Variants in RELN observed in about 807,000 individuals in gnomAD.
RELN encodes the protein reelin.
RELN carries 108 observed loss-of-function variants against 427.6 expected under a neutral mutation model. The observed-to-expected ratio is 0.25, with a 90% CI of 0.22 to 0.30. The LOEUF (loss-of-function observed/expected upper bound fraction) is 0.30, where lower values mean the gene tolerates loss of function less well. RELN is among the 10% of genes least tolerant of loss of function. The pLI, the probability that RELN is intolerant of heterozygous loss-of-function variation, is 1.00. For missense variants in RELN, 3,715 were observed against 4,302.8 expected (o/e 0.86, Z 3.82); for synonymous variants, 1,524 against 1,513.4 (o/e 1.01, Z -0.16).
intron 20 of RELN, among the ~76,000 whole-genome samples, chr7:103,612,310 C>T (rs1212064369): frequency 6.7e-6 from 1 of 149,720 alleles, no homozygotes; most frequent in Non-Finnish European, 1.5e-5. Context: ...ATTAAATAAG[C>T]CTTTTTTTTT....
intron 8 of RELN, among the ~76,000 whole-genome samples, chr7:103,712,101 G>A (rs1227080991): frequency 1.3e-5 from 2 of 152,120 alleles, no homozygotes; most frequent in East Asian, 3.8e-4. Flanking sequence ...ATGCCGGCCT[G>A]GAGAATCCTA....
chr7:103,724,889 T>A (rs1188499083), intron 7 of RELN, among the ~76,000 whole-genome samples: 1 of 151,816 alleles, frequency 6.6e-6, no homozygotes, highest in Non-Finnish European at 1.5e-5. Flanking sequence ...GTATTATAAA[T>A]AAATATAAAT....
chr7:103,986,453 T>C (rs1797098673), intron 1 of RELN, among the ~76,000 whole-genome samples: 1 of 152,076 alleles, frequency 6.6e-6, no homozygotes, highest in Admixed American at 6.6e-5. Flanking sequence ...ATACGACACA[T>C]ACAGGGACCT....
intron 3 of RELN, among the ~76,000 whole-genome samples, chr7:103,779,315 C>T (rs1340659636): frequency 6.6e-6 from 1 of 152,136 alleles, no homozygotes; most frequent in Non-Finnish European, 1.5e-5. Flanking sequence ...AAGCACAGCA[C>T]ACCATGTGCT....
In RELN at chr7:103,640,716, G is replaced by T; in HGVS notation, c.2003-107C>A. 2 of 1,121,918 alleles carry T rather than the reference G, an allele frequency of 1.8e-6. No individual in the cohort carries two copies. The highest frequency in any genetic ancestry group is 1.3e-5 in the South Asian group (1 of 76,160). 69.5% of individuals were successfully genotyped at this position (1,121,918 alleles called of 1,614,324 possible). The stretch of plus-strand genomic sequence containing the variant: ...ATGGCCCCTTGTGTGTATGTTGTGT[G>T]CAGGAACCCAGGGTGACATATGGAA... On this transcript the variant is annotated intron_variant, in intron 16 of 64. Coordinates refer to ENST00000428762, the MANE Select transcript of RELN (RefSeq NM_005045.4). This position sits in a 1 kb window ranked among gnomAD's most constrained non-coding sequence, Gnocchi z 4.1.
At position 103,892,496 on chromosome 7, in the gene RELN, A is replaced by G. The variant is rs376376126; in HGVS notation, c.337+24579T>C. Among the ~76,000 whole-genome samples the G allele has an allele frequency of 2.3e-4, 35 of 152,294 alleles. No homozygotes were observed. The South Asian group carries it at 7.3e-3, about 32-fold the overall frequency. ...TGATTTCATACAATTCTTCCCCATG[A>G]CACCACAGTCATGGGGAAATATATC... On this transcript the variant is annotated intron_variant, in intron 2 of 64. Coordinates refer to ENST00000428762, the MANE Select transcript of RELN (RefSeq NM_005045.4).
chr7:103,637,742 G>A (rs1832613653), intron 17 of RELN, among the ~76,000 whole-genome samples: 1 of 152,150 alleles, frequency 6.6e-6, no homozygotes, highest in Non-Finnish European at 1.5e-5. Context: ...GAATAGCCAA[G>A]TTGTTTCCAA....
chr7:103,590,428 G>A (rs2117241250), intron 27 of RELN, among the ~76,000 whole-genome samples: 1 of 152,258 alleles, frequency 6.6e-6, no homozygotes, highest in Admixed American at 6.5e-5. Context: ...CAGCGTGGTG[G>A]CGGGCACCTG....
chr7:103,818,897 G>C (rs563200573), intron 3 of RELN, among the ~76,000 whole-genome samples: 5 of 150,296 alleles, frequency 3.3e-5, no homozygotes, highest in Non-Finnish European at 5.9e-5. Context: ...ATATTTATTG[G>C]GAAAACATTC....
At chr7:103,660,382 A>C (rs1584385077) in intron 12 of RELN, among the ~76,000 whole-genome samples, 1 of 152,160 alleles carries the variant, frequency 6.6e-6, no homozygotes, top group African/African-American at 2.4e-5. Flanking sequence ...CTTAAATGTG[A>C]GACTATATTA....
intron 2 of RELN, among the ~76,000 whole-genome samples, chr7:103,902,642 A>G (rs1383996961): frequency 6.6e-6 from 1 of 152,140 alleles, no homozygotes; most frequent in African/African-American, 2.4e-5. Context: ...CCATTCAGAC[A>G]TTCAGAGTCC....
At chr7:103,916,422 TG>T (rs1437105741) in intron 2 of RELN, among the ~76,000 whole-genome samples, 1 of 152,178 alleles carries the variant, frequency 6.6e-6, no homozygotes, top group Non-Finnish European at 1.5e-5. Context: ...TTTGATGCTG[TG>T]AAGGATCTAC....
intron 10 of RELN, among the ~76,000 whole-genome samples, chr7:103,684,718 T>C (rs1833727625): frequency 6.6e-6 from 1 of 152,162 alleles, no homozygotes; most frequent in Non-Finnish European, 1.5e-5. Flanking sequence ...CAATAATATC[T>C]ACCTGCTAGA....
intron 4 of RELN, among the ~76,000 whole-genome samples, chr7:103,754,596 G>A (rs986485131): frequency 1.4e-5 from 2 of 142,642 alleles, no homozygotes; most frequent in African/African-American, 5.2e-5. Flanking sequence ...AATATAGTAG[G>A]AGACCTCGTC....
intron 50 of RELN, chr7:103,514,009 C>T (rs976408889): frequency 2.6e-5 from 4 of 151,936 alleles, no homozygotes; most frequent in African/African-American, 9.7e-5. Context: ...TTAAACTCCT[C>T]AAGTTTCAAT....
At chr7:103,565,140 C>T in intron 34 of RELN, 138 bp downstream of exon 34, 2 of 1,120,170 alleles carry the variant, frequency 1.8e-6, no homozygotes, top group Admixed American at 1.8e-5. Context: ...AAGCACCTTG[C>T]ACTTTTTTTT....
intron 2 of RELN, among the ~76,000 whole-genome samples, chr7:103,848,726 CTA>C (rs1793742259): frequency 6.6e-6 from 1 of 152,120 alleles, no homozygotes; most frequent in African/African-American, 2.4e-5. Context: ...ATGTGGGAAA[CTA>C]TATAAAAATG....
chr7:103,609,130 G>T (rs1562920413), intron 22 of RELN, among the ~76,000 whole-genome samples: 1 of 151,290 alleles, frequency 6.6e-6, no homozygotes, highest in Non-Finnish European at 1.5e-5. Flanking sequence ...GGCTGAGGCA[G>T]GTGAATCACT....
intron 2 of RELN, among the ~76,000 whole-genome samples, chr7:103,898,915 T>C (rs1795020382): frequency 6.6e-6 from 1 of 152,056 alleles, no homozygotes; most frequent in Non-Finnish European, 1.5e-5. Context: ...TATTAGATGT[T>C]TTAAGATTAA....
Sources: gnomAD v4.1 joint callset for allele counts (sites outside exome capture counted in the v4.1 genomes callset) on GRCh38, gnomAD v4.1.1 for gene constraint, Gnocchi (gnomAD v3.1) non-coding constraint, MANE v1.5 for transcripts, NCBI Gene and HGNC (gene_info 2026-07-23, HGNC 2026-07-21) for gene names.